Variants in GRIP1 observed in about 807,000 individuals in gnomAD.
GRIP1 encodes the protein glutamate receptor interacting protein 1, also known as glutamate receptor-interacting protein 1.
GRIP1 carries 45 observed loss-of-function variants against 129.9 expected under a neutral mutation model. The observed-to-expected ratio is 0.35, with a 90% confidence interval of 0.27 to 0.44. GRIP1 has a LOEUF of 0.44. GRIP1 is among the 20% of genes least tolerant of loss of function. The probability of loss-of-function intolerance (pLI) is 1.00; values close to 1 mark genes in which losing one functional copy is unlikely to be tolerated. For synonymous variants in GRIP1, 530 were observed against 520.8 expected (o/e 1.02, Z -0.24); for missense variants, 1,196 against 1,396.8 (o/e 0.86, Z 2.29).
intron 1 of GRIP1, among the ~76,000 whole-genome samples, chr12:66,701,686 T>A (rs990490061): frequency 6.6e-6 from 1 of 152,164 alleles, no homozygotes; most frequent in Admixed American, 6.6e-5. Flanking sequence ...GTTTCATAAA[T>A]ATAAGCCATG....
intron 8 of GRIP1, 71 bp from the exon 9 acceptor site, chr12:66,463,164 T>C: frequency 2.4e-6 from 3 of 1,267,424 alleles, no homozygotes; most frequent in East Asian, 2.3e-5. Flanking sequence ...ATGTCCTTCA[T>C]AGTTAAAATT....
intron 1 of GRIP1, among the ~76,000 whole-genome samples, chr12:66,658,722 C>T (rs1270188383): frequency 5.3e-5 from 8 of 151,974 alleles, no homozygotes; most frequent in Non-Finnish European, 2.9e-5. Context: ...CTGGGCAACA[C>T]AGGGAGATCC....
At chr12:66,362,777 T>C (rs2054851858) in intron 23 of GRIP1, among the ~76,000 whole-genome samples, 1 of 151,748 alleles carries the variant, frequency 6.6e-6, no homozygotes, top group Non-Finnish European at 1.5e-5. Context: ...ATAAGATGTA[T>C]GATCAAGCCC....
intron 1 of GRIP1, among the ~76,000 whole-genome samples, chr12:67,059,694 T>C (rs1014774641): frequency 1.3e-5 from 2 of 152,214 alleles, no homozygotes; most frequent in Admixed American, 6.5e-5. Flanking sequence ...GTTTCACTTG[T>C]ATATCTTAAA....
At chr12:66,730,685 C>G (rs1310502215) in intron 1 of GRIP1, among the ~76,000 whole-genome samples, 1 of 126,782 alleles carries the variant, frequency 7.9e-6, no homozygotes, top group Non-Finnish European at 1.7e-5. Flanking sequence ...AAATAAGATA[C>G]CAAGAGGGTC....
intron 15 of GRIP1, among the ~76,000 whole-genome samples, chr12:66,406,963 C>T (rs73121695): frequency 0.015 from 2,239 of 152,062 alleles, 21 homozygotes; most frequent in Middle Eastern, 0.038. Flanking sequence ...TGGAAAGTGG[C>T]CACTGAGACT....
chr12:66,913,269 C>G (rs1566076158), intron 1 of GRIP1, among the ~76,000 whole-genome samples: 1 of 152,192 alleles, frequency 6.6e-6, no homozygotes, highest in Admixed American at 6.5e-5. Flanking sequence ...AAAGTAGGCA[C>G]AGCATGTGCA....
intron 1 of GRIP1, among the ~76,000 whole-genome samples, chr12:66,673,667 G>C (rs1055503396): frequency 3.9e-5 from 6 of 152,158 alleles, no homozygotes; most frequent in African/African-American, 1.4e-4. Context: ...AGCGGTCCAA[G>C]CCACTGTTCA....
intron 1 of GRIP1, among the ~76,000 whole-genome samples, chr12:66,957,576 G>T (rs2041861238): frequency 6.6e-6 from 1 of 151,962 alleles, no homozygotes; most frequent in African/African-American, 2.4e-5. Flanking sequence ...AGTTTTGAGG[G>T]TTACAGGTCA....
At chr12:66,573,164 G>A (rs1003423699) in intron 2 of GRIP1, among the ~76,000 whole-genome samples, 1 of 152,210 alleles carries the variant, frequency 6.6e-6, no homozygotes, top group African/African-American at 2.4e-5. Context: ...TCTCCCTTGT[G>A]GGCTTTGAGG....
At chr12:66,894,458 T>C (rs1229155681) in intron 1 of GRIP1, among the ~76,000 whole-genome samples, 1 of 152,190 alleles carries the variant, frequency 6.6e-6, no homozygotes, top group Admixed American at 6.5e-5. Context: ...ATTCATAACT[T>C]ATAGTTTGAT....
chr12:66,562,055 C>A (rs537442201), intron 2 of GRIP1, among the ~76,000 whole-genome samples: 2 of 152,156 alleles, frequency 1.3e-5, no homozygotes, highest in South Asian at 4.2e-4. Flanking sequence ...CTGCAGTGAG[C>A]CATGATTGCA....
At chr12:66,976,211 A>C (rs1169093946) in intron 1 of GRIP1, among the ~76,000 whole-genome samples, 1 of 152,170 alleles carries the variant, frequency 6.6e-6, no homozygotes, top group Non-Finnish European at 1.5e-5. Context: ...AACTTAACCA[A>C]CATTGGCTAT....
At position 66,468,708 on chromosome 12, in the gene GRIP1, C is replaced by T. The variant is rs1203178749; in HGVS notation, c.725-3286G>A. Reference sequence around the variant, plus strand: ...TTTTTTTTCATGGCCTGTATATTTGCCAAAGTATTAAAACTTATATTTTTG... The same window carrying T: ...TTTTTTTTCATGGCCTGTATATTTGTCAAAGTATTAAAACTTATATTTTTG... On this transcript the variant is annotated intron_variant, in intron 7 of 24. Transcript: ENST00000359742. Among the ~76,000 whole-genome samples the T allele has an allele frequency of 2.0e-5, 3 of 147,860 alleles. No homozygotes were observed. In the East Asian group the frequency reaches 5.9e-4, roughly 29 times the overall value.
At chr12:66,490,903 CA>C (rs2060087727) in intron 7 of GRIP1, among the ~76,000 whole-genome samples, 1 of 152,234 alleles carries the variant, frequency 6.6e-6, no homozygotes, top group African/African-American at 2.4e-5. Context: ...ATCAAAACAA[CA>C]ATGAGATACC....
rs1235830011 is a variant in GRIP1 at position 66,347,637 on chromosome 12, T to G, written c.*1382A>C. The G allele has an allele frequency of 1.3e-5, 2 of 152,206 alleles. No homozygotes were observed. Among genetic ancestry groups the G allele is most frequent in the African/African-American group, 4.8e-5 (2 of 41,460 alleles). The allele number at this position is 152,206 out of a possible 1,614,324, so 9.4% of individuals were successfully genotyped here. A position where few individuals can be genotyped will look rare whatever the true frequency, so the allele number is the denominator to read the frequency against. On this transcript the variant is annotated 3_prime_UTR_variant, in exon 25 of 25. Transcript: ENST00000359742. ...TGTTTGTTACAAATAAAAATACATA[T>G]TTAAGTGACTCATGATCTTTTTTTC...
chr12:66,846,687 C>T (rs1171913681), intron 1 of GRIP1, among the ~76,000 whole-genome samples: 1 of 152,160 alleles, frequency 6.6e-6, no homozygotes, highest in Non-Finnish European at 1.5e-5. Context: ...TAAACAGGTG[C>T]AGACTTTGTG....
chr12:66,815,854 T>TTCTTTCTTTCTCTCTC lies in GRIP1; in HGVS notation c.59-218928_59-218927insGAGAGAGAAAGAAAGA, dbSNP rs1555241802. On this transcript the variant is annotated intron_variant, in intron 1 of 1. Coordinates refer to the GRIP1 transcript ENST00000643019. ...TTTCTTTCTTTCTTTCTTTCTTTCT[T>TTCTTTCTTTCTCTCTC]TCTCTCTCTCTCTCTCTCTCTCTCT... 4.4e-3 allele frequency among the ~76,000 whole-genome samples: 511 copies of TTCTTTCTTTCTCTCTC among 116,778 alleles called. 4 individuals are homozygous for TTCTTTCTTTCTCTCTC. Among genetic ancestry groups the TTCTTTCTTTCTCTCTC allele is most frequent in the African/African-American group, 0.014 (446 of 30,798 alleles). The allele number at this position is 116,778 out of a possible 152,430, so 76.6% of individuals were successfully genotyped here.
At chr12:66,370,367 G>A (rs2055416767) in intron 23 of GRIP1, among the ~76,000 whole-genome samples, 1 of 152,178 alleles carries the variant, frequency 6.6e-6, no homozygotes, top group African/African-American at 2.4e-5. Flanking sequence ...AATGAATGGA[G>A]GAGTGAGTGG....
Sources: gnomAD v4.1 joint callset for allele counts (sites outside exome capture counted in the v4.1 genomes callset) on GRCh38, gnomAD v4.1.1 for gene constraint, MANE v1.5 for transcripts, NCBI Gene and HGNC (gene_info 2026-07-23, HGNC 2026-07-21) for gene names.